WWOX: variants seen among roughly 807,000 people sequenced by gnomAD.
The protein encoded by WWOX is WW domain containing oxidoreductase.
WWOX carries 69 observed loss-of-function variants against 46.2 expected under a neutral mutation model. The observed-to-expected ratio is 1.49, with a 90% CI of 1.23 to 1.82. The LOEUF (loss-of-function observed/expected upper bound fraction) is 1.82. WWOX is among the 40% of genes most tolerant of loss of function. The pLI, the probability that WWOX is intolerant of heterozygous loss-of-function variation, is 0.00. For synonymous variants in WWOX, 359 were observed against 202.6 expected (o/e 1.77, Z -6.56); for missense variants, 919 against 542.6 (o/e 1.69, Z -6.89).
intron 8 of WWOX, among the ~76,000 whole-genome samples, chr16:78,784,258 A>C (rs955795078): frequency 2.0e-5 from 3 of 152,166 alleles, no homozygotes; most frequent in African/African-American, 7.2e-5. Context: ...ACCTTGGCTT[A>C]GAAGGGATAA....
At chr16:78,192,643 A>G (rs756920799) in intron 5 of WWOX, among the ~76,000 whole-genome samples, 7 of 152,064 alleles carry the variant, frequency 4.6e-5, no homozygotes, top group African/African-American at 4.8e-5. Context: ...TCTTACCGTT[A>G]TTGTCTCACT....
At chr16:78,475,607 G>T (rs144338849) in intron 8 of WWOX, among the ~76,000 whole-genome samples, 1 of 152,020 alleles carries the variant, frequency 6.6e-6, no homozygotes, top group Non-Finnish European at 1.5e-5. Context: ...TTTTATTTTA[G>T]TTCATTTCAT....
rs75946295 is a variant in WWOX at position 79,079,194 on chromosome 16, C to A, written c.1057-132414C>A. ...CTCCTTCTATCTTCTGTCACCACCA[C>A]CTTTATTTTTAGCATCCGCGGTCTT... is the stretch of plus-strand genomic sequence containing the variant. On this transcript the variant is annotated intron_variant, in intron 8 of 8. Coordinates refer to ENST00000566780, the MANE Select transcript of WWOX (RefSeq NM_016373.4). Among the ~76,000 whole-genome samples, 1,242 of 152,326 alleles carry A rather than the reference C, an allele frequency of 8.2e-3. 7 individuals are homozygous for A. Among genetic ancestry groups the A allele is most frequent in the South Asian group, 0.015 (73 of 4,828 alleles).
At chr16:78,799,193 C>T (rs980910452) in intron 8 of WWOX, among the ~76,000 whole-genome samples, 2 of 152,164 alleles carry the variant, frequency 1.3e-5, no homozygotes, top group Non-Finnish European at 2.9e-5. Flanking sequence ...CTCTGCCTTT[C>T]TAAAGAAACA....
At chr16:78,613,901 C>T (rs1369309274) in intron 8 of WWOX, among the ~76,000 whole-genome samples, 2 of 152,174 alleles carry the variant, frequency 1.3e-5, no homozygotes, top group Non-Finnish European at 2.9e-5. Flanking sequence ...CAAATCTGGC[C>T]TGTTTTTGTA....
chr16:78,597,025 C>G (rs991914445), intron 8 of WWOX, among the ~76,000 whole-genome samples: 1 of 152,214 alleles, frequency 6.6e-6, no homozygotes, highest in Non-Finnish European at 1.5e-5. Context: ...GATCCCCTCC[C>G]AATCTCATTG....
chr16:78,777,727 A>G (rs1352381636), intron 8 of WWOX, among the ~76,000 whole-genome samples: 4 of 152,160 alleles, frequency 2.6e-5, no homozygotes, highest in East Asian at 3.9e-4. Context: ...TATGTGCCAG[A>G]TACTAGGATA....
intron 5 of WWOX, among the ~76,000 whole-genome samples, chr16:78,206,754 A>G (rs2036408438): frequency 6.6e-6 from 1 of 152,112 alleles, no homozygotes; most frequent in African/African-American, 2.4e-5. Context: ...TTTTGACTAG[A>G]GTGTTAATTA....
intron 8 of WWOX, among the ~76,000 whole-genome samples, chr16:78,564,231 C>T (rs1180778224): frequency 2.0e-5 from 3 of 152,182 alleles, no homozygotes; most frequent in Admixed American, 6.5e-5. Context: ...GTTCATTGCA[C>T]AGCAAAATTG....
chr16:78,415,876 C>T (rs57514344), intron 6 of WWOX, among the ~76,000 whole-genome samples: 2,481 of 152,226 alleles, frequency 0.016, 69 homozygotes, highest in African/African-American at 0.057. Context: ...AGAAGGAATG[C>T]ATTGGCTCTA....
intron 5 of WWOX, among the ~76,000 whole-genome samples, chr16:78,336,027 TG>T (rs1489218209): frequency 5.9e-5 from 9 of 151,554 alleles, no homozygotes; most frequent in South Asian, 2.1e-4. Flanking sequence ...GGGAGGCAGA[TG>T]TTGCAGTGAG....
chr16:78,797,358 T>TAAAAAAAAA (rs57291441), intron 8 of WWOX, among the ~76,000 whole-genome samples: 27 of 116,604 alleles, frequency 2.3e-4, no homozygotes, highest in African/African-American at 9.1e-4. Flanking sequence ...GTCAAAGTGG[T>TAAAAAAAAA]AAAAAAAAAA....
intron 8 of WWOX, among the ~76,000 whole-genome samples, chr16:78,853,640 T>C (rs1455654970): frequency 6.6e-6 from 1 of 152,128 alleles, no homozygotes; most frequent in East Asian, 1.9e-4. Context: ...ACTTCGCCTT[T>C]CCCTGGGTGG....
intron 8 of WWOX, among the ~76,000 whole-genome samples, chr16:78,639,231 C>G (rs79859450): frequency 0.012 from 1,791 of 152,260 alleles, 24 homozygotes; most frequent in Non-Finnish European, 0.021. Flanking sequence ...GTCCTGTAGG[C>G]CCAGGCATCA....
intron 8 of WWOX, among the ~76,000 whole-genome samples, chr16:78,867,568 C>G (rs1415086757): frequency 1.3e-5 from 2 of 150,750 alleles, no homozygotes; most frequent in Non-Finnish European, 2.9e-5. Context: ...TAAGACGGAG[C>G]TTTGCTCTTT....
chr16:78,907,841 G>T (rs967424947), intron 8 of WWOX, among the ~76,000 whole-genome samples: 1 of 152,042 alleles, frequency 6.6e-6, no homozygotes, highest in Non-Finnish European at 1.5e-5. Context: ...CACCAGCCCC[G>T]CAAAGACGAG....
rs546570772 is a variant in WWOX, at chr16:78,482,946, G to A, written c.1056+50194G>A. ...TTCATATCTGTTCGTAGAAGTGGGC[G>A]TCAAGATTTTGGGGCACTGAGATCT... On this transcript the variant is annotated intron_variant, in intron 8 of 8. Coordinates refer to ENST00000566780, the MANE Select transcript of WWOX (RefSeq NM_016373.4). Among the ~76,000 whole-genome samples the A allele has an allele frequency of 1.8e-4, 27 of 152,204 alleles. No homozygotes were observed. The South Asian group carries it at 2.3e-3, about 13-fold the overall frequency.
intron 8 of WWOX, among the ~76,000 whole-genome samples, chr16:78,801,930 C>T (rs1047030523): frequency 6.6e-6 from 1 of 151,874 alleles, no homozygotes; most frequent in African/African-American, 2.4e-5. Context: ...TAACCTCTTT[C>T]AATGTTTTTT....
At chr16:78,248,634 G>A (rs1033390638) in intron 5 of WWOX, among the ~76,000 whole-genome samples, 32 of 152,204 alleles carry the variant, frequency 2.1e-4, no homozygotes, top group African/African-American at 7.7e-4. Context: ...TACTCAGGAG[G>A]CTGAGGCAGG....
Sources: gnomAD v4.1 joint callset for allele counts (sites outside exome capture counted in the v4.1 genomes callset) on GRCh38, gnomAD v4.1.1 for gene constraint, MANE v1.5 for transcripts, NCBI Gene and HGNC (gene_info 2026-07-23, HGNC 2026-07-21) for gene names.